The following AKNA variants were observed in gnomAD, a reference collection of about 807,000 sequenced individuals.
The protein encoded by AKNA is AT-hook transcription factor.
In AKNA, 67 loss-of-function variants were observed where a neutral mutation model predicts 138.8. That is an observed-to-expected ratio of 0.48 (90% CI 0.40 to 0.59). AKNA has a LOEUF of 0.59. AKNA is among the 20% of genes least tolerant of loss of function. AKNA has a pLI of 0.00. For synonymous variants in AKNA, 737 were observed against 754.4 expected, an observed-to-expected ratio of 0.98 and a Z score of 0.38; for missense variants, 1,813 against 1,880.4, an observed-to-expected ratio of 0.96 and a Z score of 0.66.
At chr9:114,390,522 C>T (rs1834291966), upstream of AKNA, among the ~76,000 whole-genome samples, 1 of 152,222 alleles carries the variant, frequency 6.6e-6, no homozygotes, top group African/African-American at 2.4e-5. Context: ...TTCTGCATCC[C>T]CACGTGGGTC....
At chr9:114,380,219 T>C (rs920724768) in intron 2 of AKNA, among the ~76,000 whole-genome samples, 6 of 152,006 alleles carry the variant, frequency 3.9e-5, no homozygotes, top group African/African-American at 1.2e-4. Context: ...TTACCAAAGA[T>C]ATGATCAAAT....
intron 12 of AKNA, 129 bp from the exon 13 acceptor site, chr9:114,357,098 C>T: frequency 4.3e-6 from 3 of 697,044 alleles, no homozygotes; most frequent in Non-Finnish European, 2.3e-6. Context: ...CAGCTCCCAA[C>T]AGCCAGGCCC....
At chr9:114,357,881 C>T in intron 12 of AKNA, 40 bp downstream of exon 12, 1 of 1,587,072 alleles carries the variant, frequency 6.3e-7, no homozygotes, top group Non-Finnish European at 8.5e-7. Flanking sequence ...CCAGGAATGA[C>T]CCTGAGGTTC....
At chr9:114,331,384 A>T (rs1440210499), downstream of AKNA, among the ~76,000 whole-genome samples, 1 of 152,040 alleles carries the variant, frequency 6.6e-6, no homozygotes, top group Non-Finnish European at 1.5e-5. Flanking sequence ...GATCTCATGT[A>T]CAGAAAGTGC....
intron 3 of AKNA, 23 bp downstream of exon 3, chr9:114,376,443 C>A (rs1221783717): frequency 2.5e-6 from 4 of 1,613,266 alleles, no homozygotes; most frequent in Non-Finnish European, 3.4e-6. Context: ...GGTGACACAT[C>A]CACAGCCATG....
chr9:114,368,731 A>G (rs961731606), intron 4 of AKNA, 136 bp from the exon 5 acceptor site: 9 of 759,684 alleles, frequency 1.2e-5, no homozygotes, highest in Non-Finnish European at 1.6e-5. Context: ...GCCCTTGGCT[A>G]GGCCAAACAC....
At position 114,364,623 on chromosome 9, in the gene AKNA, G is replaced by A; in HGVS notation, c.1729-4C>T. The A allele has an allele frequency of 6.2e-7, 1 of 1,613,892 alleles. No homozygotes were observed. Among genetic ancestry groups the A allele is most frequent in the Non-Finnish European group, 8.5e-7 (1 of 1,179,976 alleles). ...TCAGTCTTTCAAAGGACTCCACCTG[G>A]ACATTGGGAGGGGAAGGAAATATGC... On this transcript the variant is annotated splice_region_variant and splice_polypyrimidine_tract_variant and intron_variant, in intron 6 of 21. Transcript: ENST00000374088.
intron 3 of AKNA, chr9:114,376,174 C>A: frequency 2.7e-6 from 1 of 368,604 alleles, no homozygotes; most frequent in Non-Finnish European, 5.1e-6. Flanking sequence ...CTACCCCAGC[C>A]AGCCTCCACC....
chr9:114,390,854 A>G (rs1834306949), upstream of AKNA, among the ~76,000 whole-genome samples: 1 of 152,184 alleles, frequency 6.6e-6, no homozygotes, highest in Admixed American at 6.5e-5. Context: ...CAACCTCCAG[A>G]TGTCAGCTCC....
intron 14 of AKNA, among the ~76,000 whole-genome samples, chr9:114,353,695 T>C (rs1294653583): frequency 6.6e-6 from 1 of 152,244 alleles, no homozygotes; most frequent in African/African-American, 2.4e-5. Context: ...GTGAGGTAGA[T>C]GGAATAGCCC....
intron 11 of AKNA, 120 bp downstream of exon 11, chr9:114,359,474 A>G (rs972661545): frequency 5.7e-6 from 9 of 1,565,988 alleles, no homozygotes; most frequent in Non-Finnish European, 5.2e-6. Flanking sequence ...ACACTTGAAG[A>G]GGCAGGACAG....
rs774169296 is a variant in AKNA, at chr9:114,376,546, G to T, written c.1261C>A (p.Pro421Thr). 3.7e-6 allele frequency: 6 copies of T among 1,614,018 alleles called. No individual in the cohort carries two copies. In the African/African-American group the frequency reaches 8.0e-5, roughly 22 times the overall value. ...SGEAALAKDT[P>T]PAHPITRVPQ... is the part of the protein sequence containing the mutation. ...ACCCTGGTGATAGGGTGGGCAGGAG[G>T]CGTGTCCTTTGCCAGGGCTGCTTCT... Residue 421 changes from proline (P) to threonine (T), a missense_variant, in exon 3 of 22, where the codon CCT becomes ACT. By Grantham distance (38) the Pro-to-Thr change is conservative (BLOSUM62 -1). Transcript: ENST00000374088.
At chr9:114,387,478 C>T (rs1834120116) in intron 1 of AKNA, among the ~76,000 whole-genome samples, 1 of 152,226 alleles carries the variant, frequency 6.6e-6, no homozygotes, top group African/African-American at 2.4e-5. Context: ...GGACCACCCC[C>T]CGGCGCCGTC....
At chr9:114,379,315 C>A (rs1297530661) in intron 2 of AKNA, among the ~76,000 whole-genome samples, 1 of 152,254 alleles carries the variant, frequency 6.6e-6, no homozygotes, top group African/African-American at 2.4e-5. Context: ...GAGGAGGGAA[C>A]AAGAGAGGGC....
At chr9:114,349,063 G>A (rs1830915481) in intron 15 of AKNA, 2 of 432,910 alleles carry the variant, frequency 4.6e-6, no homozygotes, top group Non-Finnish European at 9.5e-6. Context: ...ACGCTTGCTG[G>A]TGTTTCTGAG....
At chr9:114,330,779 T>C, downstream of AKNA, 8 of 1,613,490 alleles carry the variant, frequency 5.0e-6, no homozygotes, top group Non-Finnish European at 6.8e-6. Context: ...TTCCGCCTTC[T>C]GGTTGACTTT....
chr9:114,345,815 C>A (rs759706674), intron 18 of AKNA, 48 bp downstream of exon 18: 1 of 1,584,978 alleles, frequency 6.3e-7, no homozygotes, highest in Non-Finnish European at 8.6e-7. Context: ...GAGGAGCCCC[C>A]GCTGACACCA....
rs945358455 is a variant in AKNA, at chr9:114,336,860, C to T, written c.*194G>A. On this transcript the variant is annotated 3_prime_UTR_variant, in exon 22 of 22. Transcript: ENST00000374088. ...GACTGGTGCTCCTGGGAAGTCACTT[C>T]TCTTGGTGACCGAGCTGACACCCCC... 1.4e-5 allele frequency: 9 copies of T among 636,878 alleles called. No individual in the cohort carries two copies. In the African/African-American group the frequency reaches 1.7e-4, roughly 12 times the overall value. 39.5% of individuals were successfully genotyped at this position (636,878 alleles called of 1,614,324 possible). A position where few individuals can be genotyped will look rare whatever the true frequency, so the allele number is the denominator to read the frequency against.
chr9:114,340,076 G>A (rs1830236269), intron 21 of AKNA, among the ~76,000 whole-genome samples: 1 of 152,212 alleles, frequency 6.6e-6, no homozygotes, highest in Non-Finnish European at 1.5e-5. Context: ...TCCAGCCTGG[G>A]CGACAAAGCC....
Sources: allele counts gnomAD v4.1 joint callset (sites outside exome capture counted in the v4.1 genomes callset), GRCh38; gene constraint gnomAD v4.1.1; transcripts MANE v1.5; gene names NCBI Gene and HGNC (gene_info 2026-07-23, HGNC 2026-07-21).